Variants in ANKRD11 observed in about 807,000 individuals in gnomAD.
ANKRD11 encodes the protein ankyrin repeat domain 11, also known as ankyrin repeat domain-containing protein 11.
In ANKRD11, 17 loss-of-function variants were observed where a neutral mutation model predicts 195.7. The observed-to-expected ratio is 0.09, with a 90% CI of 0.06 to 0.13. The LOEUF is 0.13. ANKRD11 is among the 10% of genes least tolerant of loss of function. The pLI is 1.00. For synonymous variants in ANKRD11, 1,953 were observed against 1,528.1 expected (o/e 1.28, Z -6.49); for missense variants, 3,735 against 3,566.1 (o/e 1.05, Z -1.21).
chr16:89,285,953 A>G lies in ANKRD11; in HGVS notation c.892+86T>C. On this transcript the variant is annotated intron_variant, in intron 8 of 12. Coordinates refer to ENST00000301030, the MANE Select transcript of ANKRD11 (RefSeq NM_013275.6). This position sits in a 1 kb window ranked among gnomAD's most constrained non-coding sequence, Gnocchi z 5.6. ...CCCAGCATCCGAGGAGGAGCTGATC[A>G]GAGGGGCAACACTGTGCAAACACCA... The G allele has an allele frequency of 1.2e-6, 2 of 1,600,124 alleles. No individual in the cohort carries two copies. The highest frequency in any genetic ancestry group is 2.2e-5 in the South Asian group (2 of 90,594).
At position 89,288,665 on chromosome 16, in the gene ANKRD11, T is replaced by C; in HGVS notation, c.607A>G (p.Thr203Ala). 1 of 1,614,018 alleles carries C rather than the reference T, an allele frequency of 6.2e-7. No homozygotes were observed. Among genetic ancestry groups the C allele is most frequent in the South Asian group, 1.1e-5 (1 of 91,082 alleles). The change falls in exon 7 of 13, where the codon ACG becomes GCG. Residue 203 changes from threonine (T) to alanine (A), a missense_variant. Coordinates refer to ENST00000301030, the MANE Select transcript of ANKRD11 (RefSeq NM_013275.6). ...CGGTTACAGGCCTCGTGCAGCGCCG[T>C]CCAGCCTGGAAACAGACACTCAGGA... is the stretch of plus-strand genomic sequence containing the variant. The part of the protein sequence containing the change: ...DVNVKDFAGW[T>A]ALHEACNRGY...
At chr16:89,453,863 G>A (rs990626236) in intron 1 of ANKRD11, among the ~76,000 whole-genome samples, 7 of 152,122 alleles carry the variant, frequency 4.6e-5, no homozygotes, top group African/African-American at 1.2e-4. Context: ...CCTGCCCAGG[G>A]TCCAGTGCTG....
intron 2 of ANKRD11, among the ~76,000 whole-genome samples, chr16:89,346,250 G>GAAAAAAAAAAAAAAAA (rs35573539): frequency 1.0e-5 from 1 of 96,870 alleles, no homozygotes; most frequent in African/African-American, 4.1e-5. Context: ...CCCGTCTCAG[G>GAAAAAAAAAAAAAAAA]AAAAAAAAAA....
chr16:89,470,222 T>C (rs979692527), intron 1 of ANKRD11, among the ~76,000 whole-genome samples: 3 of 151,980 alleles, frequency 2.0e-5, no homozygotes, highest in Non-Finnish European at 4.4e-5. Flanking sequence ...CGGCCTATAA[T>C]CCCAATTCTT....
intron 1 of ANKRD11, among the ~76,000 whole-genome samples, chr16:89,474,098 C>T (rs1044794584): frequency 6.6e-6 from 1 of 152,142 alleles, no homozygotes; most frequent in Non-Finnish European, 1.5e-5. Flanking sequence ...AGACTTGCGT[C>T]CCACAATCAG....
intron 2 of ANKRD11, among the ~76,000 whole-genome samples, chr16:89,414,971 G>T (rs2042236127): frequency 1.3e-5 from 2 of 152,154 alleles, no homozygotes; most frequent in African/African-American, 4.8e-5. Flanking sequence ...TTGGGACAGG[G>T]TCTCACCCTG....
rs1567564491 is a variant in ANKRD11 at position 89,281,263 on chromosome 16, A to G, written c.5279T>C (p.Phe1760Ser). ...TGAAGCCACGGAGAACCTGTCGAAAAAGGAGGGGGAGCAGGCGCTGGTGGG... is the reference window on the plus strand; with the variant it reads ...TGAAGCCACGGAGAACCTGTCGAAAGAGGAGGGGGAGCAGGCGCTGGTGGG... Reference protein sequence around the residue: ...TAPTSACSPSFFDRFSVASSG... With the variant: ...TAPTSACSPSSFDRFSVASSG... Residue 1760 changes from phenylalanine to serine, a missense_variant, in exon 9 of 13, where the codon TTT becomes TCT. Phe to Ser is a radical substitution (Grantham distance 155). Transcript: ENST00000301030. The surrounding 1 kb of genome is among the most constrained non-coding windows in gnomAD (Gnocchi z 5.5). 5.0e-6 allele frequency: 8 copies of G among 1,614,108 alleles called. No homozygotes were observed. The highest frequency in any genetic ancestry group is 1.7e-5 in the Admixed American group (1 of 60,030).
At chr16:89,397,968 A>C (rs2041519120) in intron 2 of ANKRD11, among the ~76,000 whole-genome samples, 1 of 152,234 alleles carries the variant, frequency 6.6e-6, no homozygotes, top group Non-Finnish European at 1.5e-5. Flanking sequence ...GAATCGGTGC[A>C]ATATTCACCC....
At chr16:89,341,659 G>A (rs572587050) in intron 2 of ANKRD11, among the ~76,000 whole-genome samples, 7 of 152,348 alleles carry the variant, frequency 4.6e-5, no homozygotes, top group African/African-American at 7.2e-5. Flanking sequence ...GCAATGCCAC[G>A]TATGCAAACG....
At chr16:89,382,768 A>G (rs1422251505) in intron 2 of ANKRD11, among the ~76,000 whole-genome samples, 1 of 152,152 alleles carries the variant, frequency 6.6e-6, no homozygotes, top group Non-Finnish European at 1.5e-5. Context: ...GTGTGAGTCA[A>G]CTGTGTTCAG....
chr16:89,308,826 C>T (rs1197684569), intron 3 of ANKRD11, among the ~76,000 whole-genome samples: 1 of 152,118 alleles, frequency 6.6e-6, no homozygotes, highest in Non-Finnish European at 1.5e-5. Context: ...ACCATGAGAA[C>T]GGGGACGTGC....
At chr16:89,426,779 G>C (rs1230729928) in intron 1 of ANKRD11, among the ~76,000 whole-genome samples, 1 of 152,088 alleles carries the variant, frequency 6.6e-6, no homozygotes, top group Non-Finnish European at 1.5e-5. Context: ...TTTTATGATC[G>C]GCGTCATGGA....
intron 4 of ANKRD11, chr16:89,300,966 G>C (rs1445131452): frequency 1.5e-6 from 1 of 672,846 alleles, no homozygotes; most frequent in African/African-American, 1.8e-5. Context: ...GGCGGTCCTA[G>C]GCAGGGAGAA....
chr16:89,432,385 CGCCGTG>C, intron 1 of ANKRD11, among the ~76,000 whole-genome samples: 1 of 152,068 alleles, frequency 6.6e-6, no homozygotes, highest in East Asian at 1.9e-4. Context: ...CAGGACCCAT[CGCCGTG>C]GCAGCCGCCT....
At chr16:89,465,673 C>T (rs1417446008) in intron 1 of ANKRD11, among the ~76,000 whole-genome samples, 2 of 152,214 alleles carry the variant, frequency 1.3e-5, no homozygotes, top group Non-Finnish European at 2.9e-5. Flanking sequence ...CTAAAGAAGA[C>T]TCCTCTGCTC....
chr16:89,279,837 C>A lies in ANKRD11; in HGVS notation c.6705G>T (p.Pro2235=). The stretch of plus-strand genomic sequence containing the variant: ...CGGGCGCGGGCTCCACGCTGGAGTC[C>A]GGATCCCCACGGGCCCTCTCTTCCG... ...TVPEERARGD[P]DSSVEPAPVP... Residue 2235 remains proline (P), a synonymous_variant, in exon 9 of 13, where the codon CCG becomes CCT. Transcript: ENST00000301030. The surrounding 1 kb of genome is among the most constrained non-coding windows in gnomAD (Gnocchi z 5.6). 6.5e-7 allele frequency: 1 copy of A among 1,547,810 alleles called. No individual in the cohort carries two copies. The highest frequency in any genetic ancestry group is 8.7e-7 in the Non-Finnish European group (1 of 1,148,364).
At chr16:89,272,215 A>G (rs2033220848) in intron 11 of ANKRD11, 1 of 152,246 alleles carries the variant, frequency 6.6e-6, no homozygotes, top group Admixed American at 6.5e-5. Context: ...CCCGGTTAAA[A>G]TAGCCTTTAT....
intron 1 of ANKRD11, among the ~76,000 whole-genome samples, chr16:89,428,322 G>T (rs190957390): frequency 5.9e-5 from 9 of 152,184 alleles, no homozygotes; most frequent in Non-Finnish European, 1.3e-4. Context: ...TCAGGAGATC[G>T]AGACCATCCT....
intron 1 of ANKRD11, among the ~76,000 whole-genome samples, chr16:89,433,272 C>T (rs555429726): frequency 6.6e-6 from 1 of 152,278 alleles, no homozygotes; most frequent in African/African-American, 2.4e-5. Context: ...ATCCTTTGGC[C>T]CTAACATATG....
Sources: allele counts gnomAD v4.1 joint callset (sites outside exome capture counted in the v4.1 genomes callset), GRCh38; gene constraint gnomAD v4.1.1; non-coding constraint Gnocchi (gnomAD v3.1); transcripts MANE v1.5; gene names NCBI Gene and HGNC (gene_info 2026-07-23, HGNC 2026-07-21).